KCNJ10: variants seen among roughly 807,000 people sequenced by gnomAD.
KCNJ10 encodes the protein ATP-sensitive inward rectifier potassium channel 10.
A neutral mutation model predicts 22.2 loss-of-function variants in KCNJ10; 9 were observed. The observed-to-expected ratio is 0.40, with a 90% CI of 0.24 to 0.71. KCNJ10 has a LOEUF of 0.71. Among genes scored for constraint, KCNJ10 ranks in the 30% least tolerant of loss-of-function variants. The probability of loss-of-function intolerance (pLI) is 0.35; values close to 1 mark genes in which losing one functional copy is unlikely to be tolerated. For missense variants in KCNJ10, 337 were observed against 482.7 expected (o/e 0.70, Z 2.83); for synonymous variants, 184 against 187.3 (o/e 0.98, Z 0.15).
At position 160,041,468 on chromosome 1, in the gene KCNJ10, G is replaced by C. The variant is rs747395965; in HGVS notation, c.1065C>G (p.Leu355=). 2 of 1,614,148 alleles carry C rather than the reference G, an allele frequency of 1.2e-6. No homozygotes were observed. Among genetic ancestry groups the C allele is most frequent in the Non-Finnish European group, 1.7e-6 (2 of 1,180,004 alleles). The part of the protein sequence containing the change: ...STVRYGDPEK[L]KLEESLREQA... ...GCTCCCTTAATGACTCCTCCAACTT[G>C]AGCTTTTCAGGGTCTCCGTAGCGTA... Residue 355 remains leucine (L), a synonymous_variant, in exon 2 of 2, where the codon CTC becomes CTG. Transcript: ENST00000644903. This position sits in a 1 kb window ranked among gnomAD's most constrained non-coding sequence, Gnocchi z 4.4.
intron 1 of KCNJ10, among the ~76,000 whole-genome samples, chr1:160,065,297 C>T (rs376235869): frequency 6.6e-5 from 10 of 152,100 alleles, no homozygotes; most frequent in East Asian, 1.9e-4. Flanking sequence ...CAAGAATAAG[C>T]GATCAGAAAT....
intron 1 of KCNJ10, among the ~76,000 whole-genome samples, 185 bp from the exon 2 acceptor site, chr1:160,042,717 G>A (rs1365429656): frequency 1.3e-5 from 2 of 152,088 alleles, no homozygotes; most frequent in Non-Finnish European, 2.9e-5. Flanking sequence ...CGGGTGGATC[G>A]CCTGAGGTCA....
chr1:160,054,277 T>A (rs933704995), intron 1 of KCNJ10, among the ~76,000 whole-genome samples: 2 of 152,188 alleles, frequency 1.3e-5, no homozygotes, highest in African/African-American at 4.8e-5. Context: ...CAGGAGCTGG[T>A]CCTTTGTGAG....
chr1:160,057,280 G>A (rs1225669196), intron 1 of KCNJ10, among the ~76,000 whole-genome samples: 2 of 152,172 alleles, frequency 1.3e-5, no homozygotes, highest in Non-Finnish European at 2.9e-5. Flanking sequence ...TTTATTTAAT[G>A]GCAAAGCCAG....
intron 1 of KCNJ10, among the ~76,000 whole-genome samples, chr1:160,060,758 T>C (rs1453989063): frequency 6.6e-6 from 1 of 152,100 alleles, no homozygotes; most frequent in Non-Finnish European, 1.5e-5. Flanking sequence ...TAGAAGATGC[T>C]CTGGACCAGA....
intron 1 of KCNJ10, among the ~76,000 whole-genome samples, chr1:160,048,322 C>A (rs928338572): frequency 6.6e-6 from 1 of 152,226 alleles, no homozygotes; most frequent in African/African-American, 2.4e-5. Flanking sequence ...GCTAATGCTG[C>A]AGATGCCTAC....
chr1:160,055,036 C>T (rs571828754), intron 1 of KCNJ10, among the ~76,000 whole-genome samples: 21 of 152,330 alleles, frequency 1.4e-4, no homozygotes, highest in South Asian at 2.1e-4. Context: ...CCCTTGCCTG[C>T]GCAGTTGCCT....
intron 1 of KCNJ10, among the ~76,000 whole-genome samples, chr1:160,057,132 A>G (rs1649061794): frequency 6.6e-6 from 1 of 152,226 alleles, no homozygotes; most frequent in Admixed American, 6.5e-5. Context: ...TGTGGTCAGG[A>G]TTACAAGATT....
chr1:160,048,984 C>T (rs1648814603), intron 1 of KCNJ10, among the ~76,000 whole-genome samples: 3 of 152,170 alleles, frequency 2.0e-5, no homozygotes, highest in African/African-American at 7.2e-5. Flanking sequence ...AATCAATGAA[C>T]ATTTATCCAG....
chr1:160,049,681 A>ATATT (rs1648841274), intron 1 of KCNJ10, among the ~76,000 whole-genome samples: 2 of 75,374 alleles, frequency 2.7e-5, no homozygotes, highest in Non-Finnish European at 2.4e-5. Context: ...TTATTTATAT[A>ATATT]TATATATATA....
chr1:160,047,088 G>A (rs548911748), intron 1 of KCNJ10, among the ~76,000 whole-genome samples: 10 of 152,268 alleles, frequency 6.6e-5, no homozygotes, highest in African/African-American at 2.4e-4. Context: ...TGCTACCCCC[G>A]GAAGTTCTTC....
At chr1:160,060,696 A>T (rs753817073) in intron 1 of KCNJ10, among the ~76,000 whole-genome samples, 1 of 152,156 alleles carries the variant, frequency 6.6e-6, no homozygotes, top group Non-Finnish European at 1.5e-5. Flanking sequence ...AGTCTCTGGG[A>T]TCCCAATGGG....
intron 1 of KCNJ10, among the ~76,000 whole-genome samples, chr1:160,058,659 G>T (rs1649103784): frequency 6.6e-6 from 1 of 152,150 alleles, no homozygotes; most frequent in African/African-American, 2.4e-5. Context: ...AGAGGAAGTG[G>T]AGGGACCCTA....
At chr1:160,045,685 C>T (rs1247316947) in intron 1 of KCNJ10, among the ~76,000 whole-genome samples, 2 of 152,162 alleles carry the variant, frequency 1.3e-5, no homozygotes, top group Non-Finnish European at 2.9e-5. Context: ...CCCACACCTG[C>T]AGTATCCAGC....
chr1:160,054,525 T>A (rs1441628875), intron 1 of KCNJ10, among the ~76,000 whole-genome samples: 1 of 152,238 alleles, frequency 6.6e-6, no homozygotes, highest in African/African-American at 2.4e-5. Flanking sequence ...ATAACTCTTG[T>A]TGCTATTGTT....
In KCNJ10 at chr1:160,041,502, T is replaced by C. The variant is rs2101924603; in HGVS notation, c.1031A>G (p.Asp344Gly). The change falls in exon 2 of 2, where the codon GAC becomes GGC. Residue 344 changes from aspartate (D) to glycine (G), a missense_variant. Transcript: ENST00000644903. The surrounding 1 kb of genome is among the most constrained non-coding windows in gnomAD (Gnocchi z 4.4). ...VKVASPSGLR[D>G]STVRYGDPEK... ...AGGGTCTCCGTAGCGTACAGTGCTG[T>C]CACGGAGGCCACTAGGAGAGGCCAC... is the stretch of plus-strand genomic sequence containing the variant. The C allele has an allele frequency of 6.2e-7, 1 of 1,614,136 alleles. No individual in the cohort carries two copies. Among genetic ancestry groups the C allele is most frequent in the Middle Eastern group, 1.6e-4 (1 of 6,062 alleles).
chr1:160,065,536 G>A (rs1553236957), intron 1 of KCNJ10, among the ~76,000 whole-genome samples: 3 of 152,188 alleles, frequency 2.0e-5, no homozygotes, highest in Non-Finnish European at 4.4e-5. Flanking sequence ...TAACAAGCAA[G>A]ATGGCAGAGC....
At chr1:160,067,278 G>A (rs922377539) in intron 1 of KCNJ10, among the ~76,000 whole-genome samples, 1 of 152,162 alleles carries the variant, frequency 6.6e-6, no homozygotes, top group African/African-American at 2.4e-5. Flanking sequence ...TGATGGGGGA[G>A]GGGAGGAAGA....
intron 1 of KCNJ10, among the ~76,000 whole-genome samples, chr1:160,043,542 A>G (rs1648667589): frequency 1.3e-5 from 2 of 152,238 alleles, no homozygotes; most frequent in Non-Finnish European, 2.9e-5. Context: ...TAGGAAGAGT[A>G]CAGATGGGAC....
Sources: allele counts gnomAD v4.1 joint callset (sites outside exome capture counted in the v4.1 genomes callset), GRCh38; gene constraint gnomAD v4.1.1; non-coding constraint Gnocchi (gnomAD v3.1); transcripts MANE v1.5; gene names NCBI Gene and HGNC (gene_info 2026-07-23, HGNC 2026-07-21).